SUMF1: variants seen among roughly 807,000 people sequenced by gnomAD.
SUMF1 encodes sulfatase modifying factor 1.
In SUMF1, 48 loss-of-function variants were observed where a neutral mutation model predicts 47.6. The observed-to-expected ratio is 1.01, with a 90% CI of 0.80 to 1.28. SUMF1 has a LOEUF of 1.28. Ranked by LOEUF, SUMF1 falls within the 50% of genes most tolerant of loss-of-function variation. The pLI is 0.00. For missense variants in SUMF1, 571 were observed against 485.4 expected (o/e 1.18, Z -1.66); for synonymous variants, 230 against 192.1 (o/e 1.20, Z -1.63).
intron 8 of SUMF1, among the ~76,000 whole-genome samples, chr3:4,120,459 T>A (rs1693513258): frequency 6.6e-6 from 1 of 152,194 alleles, no homozygotes; most frequent in South Asian, 2.1e-4. Flanking sequence ...GCAGCTAAAA[T>A]TACAGGTTAT....
intron 8 of SUMF1, among the ~76,000 whole-genome samples, chr3:4,251,210 C>G (rs1401633150): frequency 1.3e-5 from 2 of 152,036 alleles, no homozygotes; most frequent in African/African-American, 4.8e-5. Context: ...TTTGTGAAGT[C>G]CAAGACTTCA....
intron 4 of SUMF1, 47 bp downstream of exon 4, chr3:4,420,017 A>G (rs373949227): frequency 3.3e-6 from 5 of 1,529,616 alleles, no homozygotes; most frequent in Middle Eastern, 3.4e-4. Context: ...AAGGGTACCT[A>G]TTTTGCAATG....
intron 8 of SUMF1, among the ~76,000 whole-genome samples, chr3:4,166,511 C>G (rs545956091): frequency 1.2e-3 from 180 of 152,208 alleles, no homozygotes; most frequent in Admixed American, 6.7e-3. Context: ...TCCCAGGTGC[C>G]TAAAGAAGGG....
intron 1 of SUMF1, among the ~76,000 whole-genome samples, chr3:4,454,831 T>A (rs1703100397): frequency 6.6e-6 from 1 of 152,120 alleles, no homozygotes; most frequent in East Asian, 1.9e-4. Context: ...AAGGGCCACA[T>A]ATTGTATGAA....
chr3:4,171,810 A>T (rs777310556), intron 8 of SUMF1, among the ~76,000 whole-genome samples: 3 of 152,158 alleles, frequency 2.0e-5, no homozygotes, highest in Non-Finnish European at 4.4e-5. Context: ...AAAAAGCACA[A>T]GCTAAGTTCA....
At chr3:4,104,244 C>T (rs1403413466) in intron 8 of SUMF1, among the ~76,000 whole-genome samples, 2 of 152,042 alleles carry the variant, frequency 1.3e-5, no homozygotes, top group East Asian at 3.9e-4. Flanking sequence ...TCCCCTTATG[C>T]TTGACTCTCA....
At chr3:4,259,727 C>G (rs575026278) in intron 8 of SUMF1, among the ~76,000 whole-genome samples, 1 of 152,166 alleles carries the variant, frequency 6.6e-6, no homozygotes, top group South Asian at 2.1e-4. Context: ...AGCACAAAGC[C>G]TAATGGCAAA....
intron 8 of SUMF1, among the ~76,000 whole-genome samples, chr3:4,299,061 A>G (rs1256616882): frequency 6.6e-6 from 1 of 152,228 alleles, no homozygotes; most frequent in Non-Finnish European, 1.5e-5. Context: ...TAATTATACT[A>G]TAAGCAGCTA....
At chr3:4,313,649 C>T in intron 8 of SUMF1, 1 of 1,614,040 alleles carries the variant, frequency 6.2e-7, no homozygotes, top group Non-Finnish European at 8.5e-7. Flanking sequence ...TTTGACAGTT[C>T]TCTGTACTGC....
rs973805919 is a variant in SUMF1 at position 4,081,784 on chromosome 3, C to G, written c.1015-13039G>C. 2.6e-5 allele frequency among the ~76,000 whole-genome samples: 4 copies of G among 152,124 alleles called. No individual in the cohort carries two copies. In the South Asian group the frequency reaches 8.3e-4, roughly 31 times the overall value. On this transcript the variant is annotated intron_variant and NMD_transcript_variant, in intron 8 of 12. Coordinates refer to the SUMF1 transcript ENST00000448413. ...ATCTCGGTTACTCAATCCAACACAA[C>G]TAGGTGCAGCCACAAAAGTATTTTG... is the stretch of plus-strand genomic sequence containing the variant.
intron 8 of SUMF1, among the ~76,000 whole-genome samples, chr3:4,366,811 A>C (rs2125191621): frequency 6.6e-6 from 1 of 151,792 alleles, no homozygotes; most frequent in East Asian, 1.9e-4. Context: ...AAGAGTTTCC[A>C]GTTTTTCTGC....
intron 8 of SUMF1, among the ~76,000 whole-genome samples, chr3:4,103,358 AG>A (rs1693081603): frequency 6.6e-6 from 1 of 152,144 alleles, no homozygotes. Context: ...ATAACCACAC[AG>A]TCTAGTACTT....
At chr3:4,170,030 A>G (rs1360107731) in intron 8 of SUMF1, among the ~76,000 whole-genome samples, 1 of 152,226 alleles carries the variant, frequency 6.6e-6, no homozygotes, top group Non-Finnish European at 1.5e-5. Context: ...AGAATGGAAT[A>G]CAATAGGGAT....
At chr3:4,106,748 G>C (rs1693167094) in intron 8 of SUMF1, among the ~76,000 whole-genome samples, 1 of 151,898 alleles carries the variant, frequency 6.6e-6, no homozygotes, top group Admixed American at 6.6e-5. Flanking sequence ...GCTGGTTTGA[G>C]GCAAAAAGAT....
At chr3:4,242,944 A>T (rs2124998982) in intron 8 of SUMF1, among the ~76,000 whole-genome samples, 1 of 152,244 alleles carries the variant, frequency 6.6e-6, no homozygotes. Flanking sequence ...TATTGCCTCA[A>T]TTTCAGAGCC....
chr3:4,261,402 T>G (rs533171614), intron 8 of SUMF1, among the ~76,000 whole-genome samples: 67 of 152,338 alleles, frequency 4.4e-4, no homozygotes, highest in African/African-American at 1.4e-3. Context: ...CGGTCTACCT[T>G]GTTACTTTTA....
intron 8 of SUMF1, among the ~76,000 whole-genome samples, chr3:4,250,775 C>G (rs1241120823): frequency 2.0e-5 from 3 of 152,144 alleles, no homozygotes; most frequent in Admixed American, 2.0e-4. Flanking sequence ...GCAATCATGT[C>G]TGTTTACAGC....
At chr3:4,303,417 A>G in intron 8 of SUMF1, 2 of 1,555,294 alleles carry the variant, frequency 1.3e-6, no homozygotes, top group Non-Finnish European at 1.7e-6. Flanking sequence ...GGGATGGCGG[A>G]GTTTAAGGAG....
chr3:4,268,153 G>A lies in SUMF1; in HGVS notation c.1014+108177C>T, dbSNP rs1575037605. On this transcript the variant is annotated intron_variant and NMD_transcript_variant, in intron 8 of 12. Coordinates refer to the SUMF1 transcript ENST00000448413. Reference sequence around the variant, plus strand: ...TGTCAAGAACAAAAAACCAAACACCGCATATTCTCACTCACAGGTGGGAAC... The same window carrying A: ...TGTCAAGAACAAAAAACCAAACACCACATATTCTCACTCACAGGTGGGAAC... Among the ~76,000 whole-genome samples the A allele has an allele frequency of 3.3e-5, 5 of 152,104 alleles. No individual in the cohort carries two copies. In the South Asian group the frequency reaches 8.3e-4, roughly 25 times the overall value.
Sources: allele counts gnomAD v4.1 joint callset (sites outside exome capture counted in the v4.1 genomes callset), GRCh38; gene constraint gnomAD v4.1.1; transcripts MANE v1.5; gene names NCBI Gene and HGNC (gene_info 2026-07-23, HGNC 2026-07-21).